The following AFG2A variants were observed in gnomAD, a reference collection of about 807,000 sequenced individuals.
The protein encoded by AFG2A is AAA ATPase AFG2A, also known as ATPase family gene 2 protein homolog A.
the AFG2A span, among the ~76,000 whole-genome samples, chr4:123,178,514 T>A: frequency 4.6e-5 from 7 of 152,210 alleles, no homozygotes; most frequent in Admixed American, 4.6e-4. Context: ...TGTTATGAAA[T>A]CTGTATATTG....
chr4:123,297,881 A>G, the AFG2A span, among the ~76,000 whole-genome samples: 16 of 152,274 alleles, frequency 1.1e-4, no homozygotes, highest in East Asian at 1.5e-3. Flanking sequence ...CAAGACAGAA[A>G]GAAGAGAGGA....
At chr4:123,210,624 T>C in the AFG2A span, among the ~76,000 whole-genome samples, 1 of 152,232 alleles carries the variant, frequency 6.6e-6, no homozygotes, top group Non-Finnish European at 1.5e-5. Context: ...TTGGCTATTG[T>C]GAATAGTGCT....
At chr4:123,082,516 CTT>C in the AFG2A span, among the ~76,000 whole-genome samples, 1 of 72,332 alleles carries the variant, frequency 1.4e-5, no homozygotes, top group Non-Finnish European at 4.6e-5. Context: ...CTCTCTCTCT[CTT>C]TTTTCTTTTT....
At chr4:123,001,096 G>T in the AFG2A span, among the ~76,000 whole-genome samples, 1 of 142,928 alleles carries the variant, frequency 7.0e-6, no homozygotes, top group African/African-American at 2.6e-5. Flanking sequence ...TTGCGTAGAG[G>T]TGTTTGTAGT....
At chr4:123,256,194 C>T in the AFG2A span, 12 of 1,612,288 alleles carry the variant, frequency 7.4e-6, no homozygotes, top group Non-Finnish European at 1.0e-5. Context: ...AGATAGTTCC[C>T]TTCAAAATAC....
chr4:122,997,864 T>C, the AFG2A span, among the ~76,000 whole-genome samples: 12 of 152,306 alleles, frequency 7.9e-5, no homozygotes, highest in South Asian at 2.5e-3. Context: ...TATCTCATTG[T>C]GGTTTTGACT....
the AFG2A span, among the ~76,000 whole-genome samples, chr4:122,988,084 TC>T: frequency 1.3e-5 from 2 of 151,972 alleles, no homozygotes; most frequent in East Asian, 3.9e-4. Context: ...TTTCCCTTTT[TC>T]TTTTAGCACT....
chr4:122,999,140 C>T, the AFG2A span, among the ~76,000 whole-genome samples: 1 of 79,536 alleles, frequency 1.3e-5, no homozygotes, highest in Non-Finnish European at 3.1e-5. Context: ...ATATCCTTTG[C>T]CCACTTGTTG....
chr4:122,928,268 C>T, the AFG2A span, among the ~76,000 whole-genome samples: 9 of 152,204 alleles, frequency 5.9e-5, no homozygotes, highest in South Asian at 4.1e-4. Flanking sequence ...ACTATTCTCC[C>T]TTGTTTCAGC....
the AFG2A span, among the ~76,000 whole-genome samples, chr4:123,217,004 T>C: frequency 6.6e-6 from 1 of 152,176 alleles, no homozygotes; most frequent in Non-Finnish European, 1.5e-5. Context: ...ATCAACATTA[T>C]AGCAATATTG....
chr4:122,947,410 G>A, the AFG2A span: 1 of 1,614,140 alleles, frequency 6.2e-7, no homozygotes. Context: ...TTTGCTCACT[G>A]AGGCTGAGCT....
chr4:123,255,707 C>A, the AFG2A span, among the ~76,000 whole-genome samples: 1 of 136,852 alleles, frequency 7.3e-6, no homozygotes, highest in South Asian at 2.3e-4. Context: ...CCCATAAGTA[C>A]TGCTTTTCTA....
At chr4:123,112,283 G>A in the AFG2A span, among the ~76,000 whole-genome samples, 1 of 152,108 alleles carries the variant, frequency 6.6e-6, no homozygotes, top group African/African-American at 2.4e-5. Flanking sequence ...TCCTCATAAA[G>A]ACAAATAAGG....
the AFG2A span, among the ~76,000 whole-genome samples, chr4:123,261,099 T>C: frequency 6.6e-6 from 1 of 152,092 alleles, no homozygotes; most frequent in African/African-American, 2.4e-5. Flanking sequence ...CCCACCCCAT[T>C]TGTGGAAAAA....
At chr4:123,219,760 T>A in the AFG2A span, among the ~76,000 whole-genome samples, 619 of 152,318 alleles carry the variant, frequency 4.1e-3, 10 homozygotes, top group Non-Finnish European at 2.5e-3. Context: ...TTTCTCAAAG[T>A]AGTACTCTGT....
At chr4:123,152,077 T>A in the AFG2A span, among the ~76,000 whole-genome samples, 1 of 140,792 alleles carries the variant, frequency 7.1e-6, no homozygotes, top group Non-Finnish European at 1.5e-5. Context: ...AGTTGAACAA[T>A]GAGAACACAT....
the AFG2A span, among the ~76,000 whole-genome samples, chr4:123,029,560 G>T: frequency 2.0e-5 from 3 of 152,198 alleles, no homozygotes; most frequent in African/African-American, 7.2e-5. Context: ...AGATATTGGA[G>T]AGTAAAGATG....
At chr4:123,318,085 C>G in the AFG2A span, 1 of 152,172 alleles carries the variant, frequency 6.6e-6, no homozygotes, top group African/African-American at 2.4e-5. Context: ...TAAACCAATA[C>G]AGTCATATCA....
At chr4:122,985,073 G>A in the AFG2A span, among the ~76,000 whole-genome samples, 1 of 151,580 alleles carries the variant, frequency 6.6e-6, no homozygotes, top group Non-Finnish European at 1.5e-5. Flanking sequence ...GTAGAATTCC[G>A]CTGTGAATCC....
Sources: gnomAD v4.1 joint callset for allele counts (sites outside exome capture counted in the v4.1 genomes callset) on GRCh38, gnomAD v4.1.1 for gene constraint, MANE v1.5 for transcripts, NCBI Gene and HGNC (gene_info 2026-07-23, HGNC 2026-07-21) for gene names.